The following HPSE2 variants were observed in gnomAD, a reference collection of about 807,000 sequenced individuals.
The protein encoded by HPSE2 is inactive heparanase-2.
HPSE2 carries 38 observed loss-of-function variants against 60.5 expected under a neutral mutation model. That is an observed-to-expected ratio of 0.63 (90% CI 0.48 to 0.82). The LOEUF (loss-of-function observed/expected upper bound fraction) is 0.82, where lower values mean the gene tolerates loss of function less well. Among genes scored for constraint, HPSE2 ranks in the 40% least tolerant of loss-of-function variants. HPSE2 has a pLI of 0.00. For missense variants in HPSE2, 713 were observed against 740.4 expected (o/e 0.96, Z 0.43); for synonymous variants, 295 against 293.2 (o/e 1.01, Z -0.06).
chr10:98,504,475 T>C (rs777743721), intron 9 of HPSE2, among the ~76,000 whole-genome samples: 1 of 152,122 alleles, frequency 6.6e-6, no homozygotes, highest in Non-Finnish European at 1.5e-5. Context: ...CATGAGAACC[T>C]ACCATCCACT....
At chr10:98,528,636 A>G (rs528092388) in intron 9 of HPSE2, among the ~76,000 whole-genome samples, 2 of 152,272 alleles carry the variant, frequency 1.3e-5, no homozygotes, top group Admixed American at 1.3e-4. Flanking sequence ...GAAAGGAAGG[A>G]ACTACGGAAA....
At chr10:98,727,205 T>C (rs1489814936) in intron 4 of HPSE2, among the ~76,000 whole-genome samples, 1 of 152,190 alleles carries the variant, frequency 6.6e-6, no homozygotes, top group African/African-American at 2.4e-5. Context: ...TCCAGTATAT[T>C]ATCTAAAATA....
intron 3 of HPSE2, among the ~76,000 whole-genome samples, chr10:99,011,484 G>A (rs371419578): frequency 4.6e-5 from 7 of 151,864 alleles, no homozygotes; most frequent in Admixed American, 1.3e-4. Context: ...CAGGCTGGGC[G>A]TGGTGGCTCA....
At chr10:98,781,635 A>T (rs1950472583) in intron 3 of HPSE2, among the ~76,000 whole-genome samples, 2 of 152,178 alleles carry the variant, frequency 1.3e-5, no homozygotes, top group South Asian at 4.1e-4. Context: ...TTTACTTGTA[A>T]TCAAAGAAAT....
intron 5 of HPSE2, among the ~76,000 whole-genome samples, chr10:98,713,576 A>C (rs1210168853): frequency 6.6e-6 from 1 of 152,064 alleles, no homozygotes. Flanking sequence ...GCTGTGGTCA[A>C]AAAAATTCAG....
the HPSE2 span, among the ~76,000 whole-genome samples, chr10:99,310,218 A>G: frequency 6.6e-6 from 1 of 152,238 alleles, no homozygotes; most frequent in Non-Finnish European, 1.5e-5. Context: ...TAATTTAATT[A>G]CATCTGCAAA....
chr10:99,125,662 G>A (rs10430663), intron 3 of HPSE2, among the ~76,000 whole-genome samples: 74,965 of 152,116 alleles, frequency 0.49, 20,947 homozygotes, highest in East Asian at 0.65. Context: ...GTGAGAGGGG[G>A]AAAACATGCC....
At chr10:98,698,231 T>C (rs1215922040) in intron 5 of HPSE2, among the ~76,000 whole-genome samples, 1 of 148,072 alleles carries the variant, frequency 6.8e-6, no homozygotes, top group Admixed American at 6.8e-5. Flanking sequence ...ATTGACCACA[T>C]AGTTGGAAGT....
At chr10:98,820,955 C>T (rs1951410738) in intron 3 of HPSE2, among the ~76,000 whole-genome samples, 1 of 152,166 alleles carries the variant, frequency 6.6e-6, no homozygotes, top group Middle Eastern at 3.2e-3. Flanking sequence ...TGATTTCTCA[C>T]ATTCTTTCTC....
rs539739201 is a variant in HPSE2 at position 99,052,466 on chromosome 10, C to T, written c.610+91772G>A. Among the ~76,000 whole-genome samples, 5 of 148,646 alleles carry T rather than the reference C, an allele frequency of 3.4e-5. No individual in the cohort carries two copies. The South Asian group carries it at 1.1e-3, about 32-fold the overall frequency. On this transcript the variant is annotated intron_variant, in intron 3 of 11. Transcript: ENST00000370552. ...TTGGCCATATGTGTAATTAGAATCT[C>T]AAAAAGAGAAAAGTATGAAATTGTG...
At chr10:98,736,516 C>G (rs1040643948) in intron 4 of HPSE2, among the ~76,000 whole-genome samples, 6 of 152,162 alleles carry the variant, frequency 3.9e-5, no homozygotes, top group Non-Finnish European at 8.8e-5. Flanking sequence ...ACTTCACTCA[C>G]TTCCCTTAAT....
intron 3 of HPSE2, among the ~76,000 whole-genome samples, chr10:98,890,782 T>C (rs1443458341): frequency 6.6e-6 from 1 of 152,192 alleles, no homozygotes; most frequent in Non-Finnish European, 1.5e-5. Context: ...GCCTTACACA[T>C]ACCGATACTG....
intron 3 of HPSE2, among the ~76,000 whole-genome samples, chr10:99,057,191 A>T (rs1324181562): frequency 6.6e-6 from 1 of 152,198 alleles, no homozygotes; most frequent in Admixed American, 6.5e-5. Flanking sequence ...GCATTTTACC[A>T]CATATAAATT....
chr10:99,220,960 T>C (rs1849293328), intron 2 of HPSE2, among the ~76,000 whole-genome samples: 1 of 147,110 alleles, frequency 6.8e-6, no homozygotes, highest in Non-Finnish European at 1.5e-5. Context: ...TTCTCTCGCC[T>C]CAGCCTCCCA....
intron 2 of HPSE2, among the ~76,000 whole-genome samples, chr10:99,180,295 A>C (rs1412564536): frequency 6.6e-6 from 1 of 152,224 alleles, no homozygotes; most frequent in Non-Finnish European, 1.5e-5. Context: ...ACAGCAAAAG[A>C]AACTAATTAT....
chr10:98,685,781 T>C (rs1947899907), intron 6 of HPSE2, among the ~76,000 whole-genome samples: 1 of 152,232 alleles, frequency 6.6e-6, no homozygotes, highest in South Asian at 2.1e-4. Context: ...GTGGAACTGC[T>C]TTGTCATAGG....
At chr10:98,697,350 T>C (rs1025730364) in intron 5 of HPSE2, among the ~76,000 whole-genome samples, 1 of 152,074 alleles carries the variant, frequency 6.6e-6, no homozygotes, top group East Asian at 1.9e-4. Flanking sequence ...CATGAGAACG[T>C]TGTGAAGTAT....
At chr10:98,861,682 T>G (rs1952461728) in intron 3 of HPSE2, among the ~76,000 whole-genome samples, 2 of 152,144 alleles carry the variant, frequency 1.3e-5, no homozygotes, top group South Asian at 2.1e-4. Context: ...TTGATAGATA[T>G]GAGGTCAAGA....
chr10:99,231,275 A>G (rs1001602828), intron 2 of HPSE2, among the ~76,000 whole-genome samples: 1 of 152,238 alleles, frequency 6.6e-6, no homozygotes, highest in Admixed American at 6.5e-5. Flanking sequence ...TAAGGACAAG[A>G]TATAACAAAA....
Sources: gnomAD v4.1 joint callset for allele counts (sites outside exome capture counted in the v4.1 genomes callset) on GRCh38, gnomAD v4.1.1 for gene constraint, MANE v1.5 for transcripts, NCBI Gene and HGNC (gene_info 2026-07-23, HGNC 2026-07-21) for gene names.